The following AFG2A variants were observed in gnomAD, a reference collection of about 807,000 sequenced individuals.
The protein encoded by AFG2A is AAA ATPase AFG2A.
chr4:123,068,736 GT>G, the AFG2A span, among the ~76,000 whole-genome samples: 140,183 of 152,066 alleles, frequency 0.92, 64,728 homozygotes, highest in East Asian at 0.97. Context: ...CACACAGATA[GT>G]TTTTTTGAAT....
At chr4:122,944,636 T>A in the AFG2A span, among the ~76,000 whole-genome samples, 25 of 152,214 alleles carry the variant, frequency 1.6e-4, no homozygotes, top group African/African-American at 5.3e-4. Context: ...TCTCTCAACT[T>A]GTCAAAGTCA....
At chr4:123,016,865 AT>A in the AFG2A span, among the ~76,000 whole-genome samples, 1 of 152,162 alleles carries the variant, frequency 6.6e-6, no homozygotes, top group Non-Finnish European at 1.5e-5. Flanking sequence ...TCCGTCTGCA[AT>A]CCCGGCACCT....
the AFG2A span, among the ~76,000 whole-genome samples, chr4:123,006,269 C>T: frequency 6.6e-6 from 1 of 151,950 alleles, no homozygotes; most frequent in African/African-American, 2.4e-5. Context: ...CTGCTTTCTT[C>T]ATTTTCTTTG....
the AFG2A span, among the ~76,000 whole-genome samples, chr4:122,947,755 C>T: frequency 6.6e-6 from 1 of 151,970 alleles, no homozygotes; most frequent in South Asian, 2.1e-4. Flanking sequence ...TCCTTGGGCT[C>T]AGCATCTGAG....
At chr4:122,980,345 A>C in the AFG2A span, among the ~76,000 whole-genome samples, 1 of 152,210 alleles carries the variant, frequency 6.6e-6, no homozygotes, top group Admixed American at 6.5e-5. Context: ...AGGCCAAATA[A>C]TATTCCATTA....
the AFG2A span, among the ~76,000 whole-genome samples, chr4:123,311,970 C>T: frequency 2.0e-5 from 3 of 152,190 alleles, no homozygotes; most frequent in African/African-American, 7.2e-5. Context: ...AACCCAGAAA[C>T]GTTGAGAGGT....
the AFG2A span, among the ~76,000 whole-genome samples, chr4:123,302,615 A>G: frequency 6.6e-6 from 1 of 151,276 alleles, no homozygotes; most frequent in Admixed American, 6.6e-5. Flanking sequence ...AGGTCAAGCC[A>G]TGTGCTAACC....
the AFG2A span, among the ~76,000 whole-genome samples, chr4:123,082,925 A>G: frequency 1.3e-5 from 2 of 152,136 alleles, no homozygotes; most frequent in Non-Finnish European, 2.9e-5. Context: ...GGGTGCTAAT[A>G]TAAATGATAA....
the AFG2A span, among the ~76,000 whole-genome samples, chr4:123,054,582 G>A: frequency 1.3e-5 from 2 of 152,124 alleles, no homozygotes; most frequent in African/African-American, 2.4e-5. Flanking sequence ...GCCGGGTGTG[G>A]TGGCGGGCAC....
chr4:123,077,946 G>A, the AFG2A span, among the ~76,000 whole-genome samples: 4 of 152,120 alleles, frequency 2.6e-5, no homozygotes, highest in Admixed American at 6.6e-5. Context: ...TGAAAGACCC[G>A]TGGAGAATTG....
chr4:122,999,082 A>T, the AFG2A span, among the ~76,000 whole-genome samples: 3 of 147,854 alleles, frequency 2.0e-5, no homozygotes. Flanking sequence ...GCATTTTTTC[A>T]TGTGTCTTTT....
the AFG2A span, among the ~76,000 whole-genome samples, chr4:123,196,878 GTTAAAC>G: frequency 6.6e-6 from 1 of 152,104 alleles, no homozygotes; most frequent in African/African-American, 2.4e-5. Flanking sequence ...AAAGCTCTCT[GTTAAAC>G]TTAAAACACT....
At chr4:123,279,367 G>T in the AFG2A span, among the ~76,000 whole-genome samples, 1 of 151,692 alleles carries the variant, frequency 6.6e-6, no homozygotes, top group African/African-American at 2.4e-5. Context: ...CCAGGATCAT[G>T]CCACGGCACT....
chr4:122,987,715 C>T, the AFG2A span, among the ~76,000 whole-genome samples: 263 of 152,190 alleles, frequency 1.7e-3, 5 homozygotes, highest in East Asian at 0.043. Flanking sequence ...TTCTCCTGCC[C>T]CCATATTTTA....
chr4:123,241,820 T>G, the AFG2A span, among the ~76,000 whole-genome samples: 1 of 152,168 alleles, frequency 6.6e-6, no homozygotes, highest in Non-Finnish European at 1.5e-5. Context: ...GTTATTCAAT[T>G]TAGAAAAGCG....
the AFG2A span, among the ~76,000 whole-genome samples, chr4:123,166,469 TGTTA>T: frequency 6.6e-6 from 1 of 152,326 alleles, no homozygotes; most frequent in South Asian, 2.1e-4. Flanking sequence ...ATATCTATCC[TGTTA>T]GTTCTGCCCC....
the AFG2A span, among the ~76,000 whole-genome samples, chr4:123,133,489 C>CAT: frequency 1.9e-4 from 28 of 148,132 alleles, no homozygotes; most frequent in African/African-American, 6.7e-4. Context: ...TAGGCGTGTG[C>CAT]GTGTGTGTGT....
the AFG2A span, among the ~76,000 whole-genome samples, chr4:123,307,282 A>C: frequency 6.6e-6 from 1 of 152,132 alleles, no homozygotes; most frequent in Non-Finnish European, 1.5e-5. Flanking sequence ...GCATGACTAC[A>C]GGCCCACACC....
At chr4:123,166,205 A>G in the AFG2A span, among the ~76,000 whole-genome samples, 1 of 152,194 alleles carries the variant, frequency 6.6e-6, no homozygotes, top group Non-Finnish European at 1.5e-5. Context: ...TGGGCTGGAA[A>G]AGGCAGACCC....
Sources: allele counts gnomAD v4.1 joint callset (sites outside exome capture counted in the v4.1 genomes callset), GRCh38; gene constraint gnomAD v4.1.1; transcripts MANE v1.5; gene names NCBI Gene and HGNC (gene_info 2026-07-23, HGNC 2026-07-21).